Variants in BIK observed in about 807,000 individuals in gnomAD.
BIK encodes the protein BCL2 interacting killer.
BIK carries 14 observed loss-of-function variants against 12.1 expected under a neutral mutation model. That is an observed-to-expected ratio of 1.16 (90% confidence interval 0.77 to 1.81). The LOEUF is 1.81. Ranked by LOEUF, BIK falls within the 40% of genes most tolerant of loss-of-function variation. The pLI is 0.00. For missense variants in BIK, 215 were observed against 207.9 expected (o/e 1.03, Z -0.21); for synonymous variants, 86 against 92.3 (o/e 0.93, Z 0.39).
At chr22:43,111,289 G>A (rs1402750921) in intron 1 of BIK, among the ~76,000 whole-genome samples, 1 of 152,126 alleles carries the variant, frequency 6.6e-6, no homozygotes, top group Non-Finnish European at 1.5e-5. Context: ...ACCGGCTCCC[G>A]GAGGCGCTGC....
At chr22:43,128,871 C>T (rs774693033) in intron 4 of BIK, among the ~76,000 whole-genome samples, 2 of 152,250 alleles carry the variant, frequency 1.3e-5, no homozygotes, top group Non-Finnish European at 2.9e-5. Context: ...CTCCCGTCTC[C>T]TGGCCAGGGC....
At chr22:43,116,603 C>T (rs965070429) in intron 1 of BIK, among the ~76,000 whole-genome samples, 3 of 151,986 alleles carry the variant, frequency 2.0e-5, no homozygotes, top group Non-Finnish European at 2.9e-5. Context: ...GGATTACAGG[C>T]GCCCACCCCC....
intron 1 of BIK, among the ~76,000 whole-genome samples, chr22:43,120,101 T>A (rs1569465775): frequency 6.6e-6 from 1 of 152,228 alleles, no homozygotes. Flanking sequence ...GCACCATCCA[T>A]GGAAAGCATA....
At chr22:43,113,829 T>C (rs1167011829) in intron 1 of BIK, among the ~76,000 whole-genome samples, 8 of 152,172 alleles carry the variant, frequency 5.3e-5, no homozygotes, top group Admixed American at 3.3e-4. Flanking sequence ...TCCCATGAGA[T>C]TTTGACTACC....
intron 1 of BIK, among the ~76,000 whole-genome samples, chr22:43,118,684 A>G (rs1930163827): frequency 6.6e-6 from 1 of 151,910 alleles, no homozygotes; most frequent in Admixed American, 6.6e-5. Flanking sequence ...CTGTGACCCC[A>G]GCGTGGCCCC....
chr22:43,124,212 T>G lies in BIK; in HGVS notation c.161+29T>G, dbSNP rs4988416. On this transcript the variant is annotated intron_variant, in intron 2 of 4. Coordinates refer to ENST00000216115, the MANE Select transcript of BIK (RefSeq NM_001197.5). Reference sequence around the variant, plus strand: ...GGTCCCCATGGCCTGCCCTACCCCCTGCCTGATAGTGACTTCAGGGGTGGG... The same window carrying G: ...GGTCCCCATGGCCTGCCCTACCCCCGGCCTGATAGTGACTTCAGGGGTGGG... 4,891 of 1,609,442 alleles carry G rather than the reference T, an allele frequency of 3.0e-3. 145 individuals carry two copies. In the African/African-American group the frequency reaches 0.058, roughly 19 times the overall value.
At chr22:43,124,895 A>G (rs1218463704) in intron 2 of BIK, among the ~76,000 whole-genome samples, 2 of 152,190 alleles carry the variant, frequency 1.3e-5, no homozygotes, top group Admixed American at 1.3e-4. Context: ...CCATCTCAAA[A>G]AAAGAAAACC....
chr22:43,125,713 C>T (rs1231179495), intron 2 of BIK, among the ~76,000 whole-genome samples: 1 of 151,752 alleles, frequency 6.6e-6, no homozygotes, highest in Non-Finnish European at 1.5e-5. Context: ...CAGAGTAAGA[C>T]TCCGTTTCAC....
At chr22:43,116,368 T>G (rs1930113312) in intron 1 of BIK, among the ~76,000 whole-genome samples, 1 of 152,042 alleles carries the variant, frequency 6.6e-6, no homozygotes, top group Non-Finnish European at 1.5e-5. Flanking sequence ...CTCAACCTCC[T>G]GGGCTCAAGT....
chr22:43,129,012 C>T (rs1930380972), intron 4 of BIK, among the ~76,000 whole-genome samples: 1 of 152,258 alleles, frequency 6.6e-6, no homozygotes, highest in Non-Finnish European at 1.5e-5. Flanking sequence ...CGCAGACTGG[C>T]AGGCCCAGGC....
chr22:43,127,832 AGGGGCCCTGGGC>A, intron 3 of BIK, 37 bp downstream of exon 3: 1 of 1,528,852 alleles, frequency 6.5e-7, no homozygotes, highest in Non-Finnish European at 8.8e-7. Flanking sequence ...ACACCTGGGG[AGGGGCCCTGGGC>A]GGTGGGTGGA....
chr22:43,121,455 G>A (rs904112250), intron 1 of BIK, among the ~76,000 whole-genome samples: 2 of 152,190 alleles, frequency 1.3e-5, no homozygotes, highest in Non-Finnish European at 2.9e-5. Context: ...CTTCCTATCT[G>A]GCGCCTAAGG....
intron 2 of BIK, 113 bp from the exon 3 acceptor site, chr22:43,127,584 C>G: frequency 2.1e-6 from 2 of 932,118 alleles, no homozygotes; most frequent in South Asian, 3.2e-5. Flanking sequence ...CTGACACCAT[C>G]TCTTATCCTC....
rs905266140 is a variant in BIK at position 43,127,633 on chromosome 22, G to A, written c.162-64G>A. 2.1e-6 allele frequency: 3 copies of A among 1,408,192 alleles called. No homozygotes were observed. The African/African-American group carries it at 4.3e-5, about 20-fold the overall frequency. The allele number at this position is 1,408,192 out of a possible 1,614,324, so 87.2% of individuals were successfully genotyped here. On this transcript the variant is annotated intron_variant, in intron 2 of 4. Transcript: ENST00000216115. ...GCTGCACACAATCCGTTGGCTGGGTGGGTCCAGGTGCATGTGGCCTCCACG... is the reference window on the plus strand; with the variant it reads ...GCTGCACACAATCCGTTGGCTGGGTAGGTCCAGGTGCATGTGGCCTCCACG...
At chr22:43,115,938 G>T (rs1191265510) in intron 1 of BIK, among the ~76,000 whole-genome samples, 1 of 151,720 alleles carries the variant, frequency 6.6e-6, no homozygotes, top group Non-Finnish European at 1.5e-5. Context: ...GGTATTTTTA[G>T]TAGAGACACT....
chr22:43,122,420 C>T (rs1452301403), intron 1 of BIK, among the ~76,000 whole-genome samples: 1 of 152,170 alleles, frequency 6.6e-6, no homozygotes, highest in Non-Finnish European at 1.5e-5. Context: ...CCCAATAGCC[C>T]AGGGCGGGGC....
At chr22:43,123,491 G>C (rs956349359) in intron 1 of BIK, among the ~76,000 whole-genome samples, 25 of 152,192 alleles carry the variant, frequency 1.6e-4, no homozygotes, top group Admixed American at 1.2e-3. Flanking sequence ...GCTCATGTCT[G>C]TCGTCCCAGC....
At chr22:43,117,547 T>A (rs1325341728) in intron 1 of BIK, among the ~76,000 whole-genome samples, 1 of 148,892 alleles carries the variant, frequency 6.7e-6, no homozygotes, top group Non-Finnish European at 1.5e-5. Context: ...TTTTTTTGTA[T>A]TTTTAGTAGA....
intron 2 of BIK, among the ~76,000 whole-genome samples, chr22:43,125,166 G>C (rs1429437815): frequency 6.6e-6 from 1 of 152,206 alleles, no homozygotes; most frequent in Non-Finnish European, 1.5e-5. Context: ...TAGTGAGGAT[G>C]ACTGGAGGTC....
Sources: gnomAD v4.1 joint callset for allele counts (sites outside exome capture counted in the v4.1 genomes callset) on GRCh38, gnomAD v4.1.1 for gene constraint, MANE v1.5 for transcripts, NCBI Gene and HGNC (gene_info 2026-07-23, HGNC 2026-07-21) for gene names.